The following MTMR14 variants were observed in gnomAD, a reference collection of about 807,000 sequenced individuals.
MTMR14 encodes phosphatidylinositol-3,5-bisphosphate 3-phosphatase MTMR14.
A neutral mutation model predicts 86.3 loss-of-function variants in MTMR14; 48 were observed. That is an observed-to-expected ratio of 0.56 (90% CI 0.44 to 0.71). The LOEUF (loss-of-function observed/expected upper bound fraction) is 0.71. MTMR14 is among the 30% of genes least tolerant of loss of function. MTMR14 has a pLI of 0.00. For missense variants in MTMR14, 780 were observed against 834.6 expected, an observed-to-expected ratio of 0.93 and a Z score of 0.81; for synonymous variants, 366 against 326.1, an observed-to-expected ratio of 1.12 and a Z score of -1.32.
intron 3 of MTMR14, among the ~76,000 whole-genome samples, chr3:9,663,499 CTCTTTT>C (rs2048060699): frequency 6.6e-5 from 6 of 91,110 alleles, no homozygotes; most frequent in African/African-American, 2.1e-4. Flanking sequence ...TGGAGTCTCT[CTCTTTT>C]TTTTTTTTTT....
At chr3:9,686,448 C>T (rs886233882) in intron 13 of MTMR14, among the ~76,000 whole-genome samples, 1 of 152,182 alleles carries the variant, frequency 6.6e-6, no homozygotes, top group East Asian at 1.9e-4. Context: ...ACAAGAGGCT[C>T]TCCTCAGCTG....
chr3:9,658,035 A>T (rs2047714331), intron 2 of MTMR14, among the ~76,000 whole-genome samples: 1 of 152,182 alleles, frequency 6.6e-6, no homozygotes, highest in Non-Finnish European at 1.5e-5. Flanking sequence ...GGCCAAGGCC[A>T]CTGTGGAACA....
At chr3:9,683,284 C>T in intron 10 of MTMR14, 40 bp downstream of exon 10, 4 of 1,578,932 alleles carry the variant, frequency 2.5e-6, no homozygotes, top group African/African-American at 1.3e-5. Flanking sequence ...CCACTGCACC[C>T]TTGGGGAGTT....
At chr3:9,679,703 T>C (rs571558964) in intron 9 of MTMR14, among the ~76,000 whole-genome samples, 2 of 152,336 alleles carry the variant, frequency 1.3e-5, no homozygotes, top group East Asian at 3.9e-4. Context: ...CAGTACCTAT[T>C]TCAGAGTTGT....
At chr3:9,688,409 C>G (rs1032227681) in intron 14 of MTMR14, among the ~76,000 whole-genome samples, 2 of 152,352 alleles carry the variant, frequency 1.3e-5, no homozygotes, top group Non-Finnish European at 2.9e-5. Context: ...CCTTCCTAAT[C>G]CGAGCTACAA....
Position 9,701,637 on chromosome 3 carries a change from C to G in MTMR14, c.1770-153C>G, listed in dbSNP as rs558052099. On this transcript the variant is annotated intron_variant, in intron 18 of 18. Transcript: ENST00000296003. The surrounding 1 kb of genome is among the most constrained non-coding windows in gnomAD (Gnocchi z 4.2). The stretch of plus-strand genomic sequence containing the variant: ...GAAAACAGGGCCAGATATTTGGGGC[C>G]TGAACCACAAGGATAGCATGGCCGT... The G allele has an allele frequency of 1.3e-5, 12 of 907,732 alleles. No individual in the cohort carries two copies. The South Asian group carries it at 1.7e-4, about 13-fold the overall frequency. The allele number at this position is 907,732 out of a possible 1,614,324, so 56.2% of individuals were successfully genotyped here. A position where few individuals can be genotyped will look rare whatever the true frequency, so the allele number is the denominator to read the frequency against.
chr3:9,694,469 T>G (rs1559617609), intron 17 of MTMR14, among the ~76,000 whole-genome samples: 1 of 152,138 alleles, frequency 6.6e-6, no homozygotes, highest in Admixed American at 6.6e-5. Flanking sequence ...TAGTGAGACC[T>G]TGCCAATACA....
At position 9,677,909 on chromosome 3, in the gene MTMR14, G is replaced by T; in HGVS notation, c.823-75G>T. 1.5e-6 allele frequency: 2 copies of T among 1,362,888 alleles called. No homozygotes were observed. The highest frequency in any genetic ancestry group is 2.1e-6 in the Non-Finnish European group (2 of 963,534). The allele number at this position is 1,362,888 out of a possible 1,614,324, so 84.4% of individuals were successfully genotyped here. A position where few individuals can be genotyped will look rare whatever the true frequency, so the allele number is the denominator to read the frequency against. ...CTGCCTGTGGTAGTCACAGCCTCAG[G>T]ACTGCAAGCTTCCCCATCACCTAAG... On this transcript the variant is annotated intron_variant, in intron 8 of 18. Coordinates refer to ENST00000296003, the MANE Select transcript of MTMR14 (RefSeq NM_001077525.3). The surrounding 1 kb of genome is among the most constrained non-coding windows in gnomAD (Gnocchi z 4.2).
At chr3:9,685,364 T>G in intron 13 of MTMR14, 117 bp downstream of exon 13, 1 of 1,268,804 alleles carries the variant, frequency 7.9e-7, no homozygotes. Flanking sequence ...TGCAGGGATG[T>G]GGCCCCCTGT....
At chr3:9,671,550 T>C (rs764511902) in intron 6 of MTMR14, among the ~76,000 whole-genome samples, 3 of 152,170 alleles carry the variant, frequency 2.0e-5, no homozygotes, top group Non-Finnish European at 4.4e-5. Flanking sequence ...TGACAGAGTC[T>C]TTGTTGCCTA....
chr3:9,668,493 A>G (rs1175014202), intron 3 of MTMR14, among the ~76,000 whole-genome samples: 2 of 152,190 alleles, frequency 1.3e-5, no homozygotes, highest in Admixed American at 6.6e-5. Context: ...CCTGTTGGTA[A>G]CACTGGCGCC....
At chr3:9,680,008 C>T (rs2075707531) in intron 9 of MTMR14, among the ~76,000 whole-genome samples, 1 of 152,106 alleles carries the variant, frequency 6.6e-6, no homozygotes, top group Admixed American at 6.5e-5. Context: ...GGTGCCGGTA[C>T]CCTGTTCCTT....
chr3:9,685,193 C>G lies in MTMR14; in HGVS notation c.1128-18C>G, dbSNP rs770486211. 15 of 1,614,164 alleles carry G rather than the reference C, an allele frequency of 9.3e-6. No homozygotes were observed. The East Asian group carries it at 3.3e-4, about 36-fold the overall frequency. On this transcript the variant is annotated intron_variant, in intron 12 of 18. Coordinates refer to ENST00000296003, the MANE Select transcript of MTMR14 (RefSeq NM_001077525.3). ...TCTTGGTGCTGCTGACTTTGCCTCTCTACCCTCCTTTTTTCAGGCACATGT... is the reference window on the plus strand; with the variant it reads ...TCTTGGTGCTGCTGACTTTGCCTCTGTACCCTCCTTTTTTCAGGCACATGT...
rs921217066 is a variant in MTMR14 at position 9,697,955 on chromosome 3, G to C, written c.1769+89G>C. 3.8e-6 allele frequency: 6 copies of C among 1,569,900 alleles called. No individual in the cohort carries two copies. The African/African-American group carries it at 8.1e-5, about 21-fold the overall frequency. ...AGGAGTGCTGGGTAGGAATGAGGCT[G>C]GCGCTCAGGAGCTGGCCTGGCCTCC... On this transcript the variant is annotated intron_variant, in intron 18 of 18. Transcript: ENST00000296003.
At chr3:9,652,431 A>G (rs541096822) in intron 1 of MTMR14, among the ~76,000 whole-genome samples, 1 of 152,220 alleles carries the variant, frequency 6.6e-6, no homozygotes, top group South Asian at 2.1e-4. Flanking sequence ...CATGGAATAG[A>G]GCTTGTAGGT....
rs1292307154 is a variant in MTMR14, at chr3:9,698,010, G to A, written c.1769+144G>A. 18 of 1,191,024 alleles carry A rather than the reference G, an allele frequency of 1.5e-5. No individual in the cohort carries two copies. The Middle Eastern group carries it at 1.0e-3, about 67-fold the overall frequency. 73.8% of individuals were successfully genotyped at this position (1,191,024 alleles called of 1,614,324 possible). A position where few individuals can be genotyped will look rare whatever the true frequency, so the allele number is the denominator to read the frequency against. On this transcript the variant is annotated intron_variant, in intron 18 of 18. Coordinates refer to ENST00000296003, the MANE Select transcript of MTMR14 (RefSeq NM_001077525.3). The stretch of plus-strand genomic sequence containing the variant: ...CTCCCCTCTCTCAGCTGCTGGACCC[G>A]AGGTATGAAGGAGGCCTGTGGCTGG...
intron 13 of MTMR14, among the ~76,000 whole-genome samples, chr3:9,686,507 C>A (rs951476875): frequency 6.6e-6 from 1 of 152,210 alleles, no homozygotes; most frequent in South Asian, 2.1e-4. Flanking sequence ...ACAATCCAGA[C>A]ACTGATGCGT....
intron 15 of MTMR14, 31 bp downstream of exon 15, chr3:9,688,785 C>T: frequency 6.2e-7 from 1 of 1,613,604 alleles, no homozygotes; most frequent in Non-Finnish European, 8.5e-7. Flanking sequence ...GACTTCCCTT[C>T]CTCCATACAT....
intron 7 of MTMR14, among the ~76,000 whole-genome samples, chr3:9,674,864 C>A (rs572992616): frequency 6.6e-6 from 1 of 152,344 alleles, no homozygotes; most frequent in Admixed American, 6.5e-5. Context: ...ATAATCCCAG[C>A]ACTTTGGGAG....
Sources: gnomAD v4.1 joint callset for allele counts (sites outside exome capture counted in the v4.1 genomes callset) on GRCh38, gnomAD v4.1.1 for gene constraint, Gnocchi (gnomAD v3.1) non-coding constraint, MANE v1.5 for transcripts, NCBI Gene and HGNC (gene_info 2026-07-23, HGNC 2026-07-21) for gene names.